The following LHFPL3 variants were observed in gnomAD, a reference collection of about 807,000 sequenced individuals.
LHFPL3 encodes the protein LHFPL tetraspan subfamily member 3.
In LHFPL3, 5 loss-of-function variants were observed where a neutral mutation model predicts 19.3. The ratio of observed to expected loss-of-function variants is 0.26; its 90% CI spans 0.14 to 0.54. The LOEUF (loss-of-function observed/expected upper bound fraction) is 0.54, where lower values mean the gene tolerates loss of function less well. Ranked by LOEUF, LHFPL3 falls within the 20% of genes least tolerant of loss-of-function variation. The pLI is 0.94. For synonymous variants in LHFPL3, 133 were observed against 126.2 expected (o/e 1.05, Z -0.36); for missense variants, 249 against 307.4 (o/e 0.81, Z 1.42).
chr7:104,720,873 A>T (rs1351799215), intron 1 of LHFPL3, among the ~76,000 whole-genome samples: 1 of 152,226 alleles, frequency 6.6e-6, no homozygotes, highest in Non-Finnish European at 1.5e-5. Flanking sequence ...GCGATCATTA[A>T]AAAGTCAGGA....
At chr7:104,831,406 A>G (rs1437783695) in intron 2 of LHFPL3, among the ~76,000 whole-genome samples, 1 of 151,982 alleles carries the variant, frequency 6.6e-6, no homozygotes, top group African/African-American at 2.4e-5. Flanking sequence ...TTTTGAACGA[A>G]AAGTTAAAAA....
chr7:104,434,118 A>G (rs984510687), intron 1 of LHFPL3, among the ~76,000 whole-genome samples: 11 of 152,236 alleles, frequency 7.2e-5, no homozygotes, highest in African/African-American at 2.4e-4. Flanking sequence ...GTATTTTACT[A>G]GCAGTGGATG....
intron 2 of LHFPL3, among the ~76,000 whole-genome samples, chr7:104,866,657 G>C: frequency 6.6e-6 from 1 of 152,106 alleles, no homozygotes; most frequent in Non-Finnish European, 1.5e-5. Flanking sequence ...GTCAACATTA[G>C]ACAGATCAAT....
intron 1 of LHFPL3, among the ~76,000 whole-genome samples, chr7:104,483,226 T>G (rs1466758833): frequency 6.6e-6 from 1 of 152,226 alleles, no homozygotes; most frequent in Non-Finnish European, 1.5e-5. Flanking sequence ...CTGGTTTGTT[T>G]TGCAGGATCA....
chr7:104,834,345 A>AG (rs1227107778), intron 2 of LHFPL3, among the ~76,000 whole-genome samples: 4 of 151,702 alleles, frequency 2.6e-5, no homozygotes, highest in African/African-American at 9.7e-5. Flanking sequence ...GAAAAAAAAA[A>AG]GGAATAACTG....
chr7:104,729,755 T>G (rs1456099159), intron 1 of LHFPL3, among the ~76,000 whole-genome samples: 1 of 152,160 alleles, frequency 6.6e-6, no homozygotes, highest in Non-Finnish European at 1.5e-5. Flanking sequence ...TATATATATT[T>G]TTTATTATAC....
At chr7:104,736,465 T>G (rs1270474028) in intron 1 of LHFPL3, among the ~76,000 whole-genome samples, 1 of 151,974 alleles carries the variant, frequency 6.6e-6, no homozygotes, top group Non-Finnish European at 1.5e-5. Flanking sequence ...CTGGGCTGCT[T>G]TTACCTTAAC....
chr7:104,494,122 G>T (rs553318503), intron 1 of LHFPL3, among the ~76,000 whole-genome samples: 5 of 152,038 alleles, frequency 3.3e-5, no homozygotes, highest in Non-Finnish European at 4.4e-5. Context: ...GCATAGTAAG[G>T]CTTGTCTTAT....
At chr7:104,527,397 G>T (rs1402261658) in intron 1 of LHFPL3, among the ~76,000 whole-genome samples, 2 of 152,134 alleles carry the variant, frequency 1.3e-5, no homozygotes, top group African/African-American at 4.8e-5. Flanking sequence ...GTTCATGAAA[G>T]TGTGTTCTTA....
intron 2 of LHFPL3, chr7:104,798,473 A>C (rs1370187607): frequency 6.6e-6 from 1 of 152,180 alleles, no homozygotes; most frequent in Non-Finnish European, 1.5e-5. Flanking sequence ...TTTTTGAAAT[A>C]GTTTTGAAAT....
chr7:104,853,401 C>T (rs1791447081), intron 2 of LHFPL3, among the ~76,000 whole-genome samples: 4 of 152,158 alleles, frequency 2.6e-5, no homozygotes. Context: ...CTACTCTGTG[C>T]CTGGGGGATC....
chr7:104,837,055 A>G, intron 2 of LHFPL3, among the ~76,000 whole-genome samples: 1 of 152,228 alleles, frequency 6.6e-6, no homozygotes, highest in East Asian at 1.9e-4. Flanking sequence ...AACATTGGGC[A>G]GGGAATCAGA....
intron 1 of LHFPL3, among the ~76,000 whole-genome samples, chr7:104,392,948 C>A (rs1289844786): frequency 6.6e-6 from 1 of 152,082 alleles, no homozygotes; most frequent in Non-Finnish European, 1.5e-5. Context: ...TTATCCATTT[C>A]TTCTAGATTT....
At chr7:104,357,142 A>T (rs1790294416) in intron 1 of LHFPL3, among the ~76,000 whole-genome samples, 1 of 152,234 alleles carries the variant, frequency 6.6e-6, no homozygotes, top group Non-Finnish European at 1.5e-5. Context: ...TCCAGAGGGA[A>T]GTCCCAAGTG....
At chr7:104,513,921 C>T (rs1321537254) in intron 1 of LHFPL3, among the ~76,000 whole-genome samples, 1 of 152,024 alleles carries the variant, frequency 6.6e-6, no homozygotes, top group African/African-American at 2.4e-5. Context: ...ATGTTTGTTT[C>T]AAATAGAAAC....
chr7:104,362,630 A>G (rs963579636), intron 1 of LHFPL3, among the ~76,000 whole-genome samples: 2 of 152,210 alleles, frequency 1.3e-5, no homozygotes, highest in African/African-American at 4.8e-5. Context: ...CTGCCCAGAT[A>G]GAGCCAATTT....
chr7:104,749,836 T>C (rs1323194839), intron 2 of LHFPL3, among the ~76,000 whole-genome samples: 1 of 152,208 alleles, frequency 6.6e-6, no homozygotes, highest in East Asian at 1.9e-4. Flanking sequence ...TCCAAGTTAA[T>C]GGTATGGGTT....
At chr7:104,526,531 T>A (rs1322598209) in intron 1 of LHFPL3, among the ~76,000 whole-genome samples, 1 of 152,252 alleles carries the variant, frequency 6.6e-6, no homozygotes, top group Non-Finnish European at 1.5e-5. Flanking sequence ...CAGTGCCAAC[T>A]TGAAAATGAA....
chr7:104,659,629 C>G (rs1334774355), intron 1 of LHFPL3, among the ~76,000 whole-genome samples: 4 of 152,286 alleles, frequency 2.6e-5, no homozygotes, highest in Admixed American at 1.3e-4. Flanking sequence ...GAAGAAACTA[C>G]TTTTCAACAC....
Sources: allele counts gnomAD v4.1 joint callset (sites outside exome capture counted in the v4.1 genomes callset), GRCh38; gene constraint gnomAD v4.1.1; transcripts MANE v1.5; gene names NCBI Gene and HGNC (gene_info 2026-07-23, HGNC 2026-07-21).